Variants in DPF3 observed in about 807,000 individuals in gnomAD.
The protein encoded by DPF3 is double PHD fingers 3.
Under a neutral mutation model 56.8 loss-of-function variants are expected in DPF3, and 18 were observed. The observed-to-expected ratio is 0.32, with a 90% confidence interval of 0.22 to 0.47. The LOEUF (loss-of-function observed/expected upper bound fraction) is 0.47, where lower values mean the gene tolerates loss of function less well. Ranked by LOEUF, DPF3 falls within the 20% of genes least tolerant of loss-of-function variation. The pLI is 1.00. For missense variants in DPF3, 403 were observed against 488.8 expected, an observed-to-expected ratio of 0.82 and a Z score of 1.65; for synonymous variants, 188 against 180.2, an observed-to-expected ratio of 1.04 and a Z score of -0.35.
At chr14:72,736,694 T>C (rs1889906233) in intron 3 of DPF3, among the ~76,000 whole-genome samples, 1 of 152,126 alleles carries the variant, frequency 6.6e-6, no homozygotes, top group Admixed American at 6.6e-5. Flanking sequence ...TAAACACACT[T>C]CTATTGAGCC....
chr14:72,749,301 G>C (rs1212125853), intron 3 of DPF3, among the ~76,000 whole-genome samples: 1 of 152,240 alleles, frequency 6.6e-6, no homozygotes, highest in Non-Finnish European at 1.5e-5. Context: ...CATGGGGCCT[G>C]TAGCCCCTTT....
intron 1 of DPF3, among the ~76,000 whole-genome samples, chr14:72,893,013 A>AGGCAGGCAGGCAGGC (rs1555517678): frequency 7.9e-6 from 1 of 126,850 alleles, no homozygotes; most frequent in South Asian, 2.7e-4. Flanking sequence ...GGAAGGAAGG[A>AGGCAGGCAGGCAGGC]AGGAAGGAAG....
intron 1 of DPF3, among the ~76,000 whole-genome samples, chr14:72,843,084 T>C (rs1884616788): frequency 6.6e-6 from 1 of 152,178 alleles, no homozygotes; most frequent in Non-Finnish European, 1.5e-5. Context: ...ACAAGGCTCT[T>C]GGAGCCATAT....
At chr14:72,884,971 T>TATATGTATA (rs10523148) in intron 1 of DPF3, among the ~76,000 whole-genome samples, 1 of 111,686 alleles carries the variant, frequency 9.0e-6, no homozygotes, top group Non-Finnish European at 1.9e-5. Flanking sequence ...TATATATATA[T>TATATGTATA]TAGCCGGGCG....
rs181182504 is a variant in DPF3 at position 72,838,392 on chromosome 14, G to A, written c.32+55665C>T. On this transcript the variant is annotated intron_variant, in intron 1 of 10. Coordinates refer to ENST00000556509, the MANE Select transcript of DPF3 (RefSeq NM_001280542.3). ...ACCTGTAATCTCAGCTGTTCAGAAG[G>A]CTGAGGCAGGAGAATCACTTAAACC... Among the ~76,000 whole-genome samples the A allele has an allele frequency of 4.6e-5, 7 of 152,288 alleles. No individual in the cohort carries two copies. In the East Asian group the frequency reaches 1.4e-3, roughly 29 times the overall value.
chr14:72,836,453 C>G, intron 1 of DPF3: 2 of 985,672 alleles, frequency 2.0e-6, no homozygotes, highest in South Asian at 9.4e-5. Context: ...CCTGCTCCTG[C>G]CTGCCCTGAA....
At chr14:72,646,892 T>G (rs1273864616) in intron 8 of DPF3, among the ~76,000 whole-genome samples, 2 of 152,220 alleles carry the variant, frequency 1.3e-5, no homozygotes, top group East Asian at 3.8e-4. Context: ...CTAATTCCCC[T>G]GCCCTGGAGT....
chr14:72,710,859 G>A (rs1567207919), intron 6 of DPF3, among the ~76,000 whole-genome samples: 1 of 152,180 alleles, frequency 6.6e-6, no homozygotes, highest in Non-Finnish European at 1.5e-5. Flanking sequence ...TTACTTGCTG[G>A]AAAACAAAGT....
At chr14:72,661,439 T>C (rs1444186968) in intron 8 of DPF3, 33 of 985,220 alleles carry the variant, frequency 3.3e-5, no homozygotes, top group Non-Finnish European at 3.5e-5. Context: ...AGCCTTAGAC[T>C]ATTCGTGTGT....
chr14:72,665,457 T>C (rs116409163), intron 8 of DPF3, among the ~76,000 whole-genome samples: 4,195 of 152,266 alleles, frequency 0.028, 98 homozygotes, highest in African/African-American at 0.061. Flanking sequence ...TCACCAGTAA[T>C]GGGGTAAATC....
At chr14:72,870,727 G>A (rs1318817514) in intron 1 of DPF3, among the ~76,000 whole-genome samples, 1 of 152,146 alleles carries the variant, frequency 6.6e-6, no homozygotes, top group African/African-American at 2.4e-5. Context: ...ATATTGGCTA[G>A]TGTGTCTCCT....
Position 72,700,808 on chromosome 14 carries a change from C to G in DPF3, c.605-7595G>C, listed in dbSNP as rs76427062. ...AAACAAGGTGGATCATGACAGCACACCTGCTCCCCGCGGTGAGACCCATAT... is the reference window on the plus strand; with the variant it reads ...AAACAAGGTGGATCATGACAGCACAGCTGCTCCCCGCGGTGAGACCCATAT... On this transcript the variant is annotated intron_variant, in intron 6 of 10. Transcript: ENST00000556509. Among the ~76,000 whole-genome samples the G allele has an allele frequency of 7.0e-3, 1,059 of 152,350 alleles. 14 individuals carry two copies. Among genetic ancestry groups the G allele is most frequent in the African/African-American group, 0.025 (1,021 of 41,566 alleles).
At chr14:72,826,781 G>A (rs978214086) in intron 1 of DPF3, among the ~76,000 whole-genome samples, 8 of 152,082 alleles carry the variant, frequency 5.3e-5, no homozygotes, top group South Asian at 2.1e-4. Context: ...GGTGGCTCAC[G>A]CCTGTAGTTC....
intron 3 of DPF3, among the ~76,000 whole-genome samples, chr14:72,746,843 G>T (rs1890344953): frequency 6.6e-6 from 1 of 152,228 alleles, no homozygotes; most frequent in African/African-American, 2.4e-5. Context: ...CCATGTGCAG[G>T]TGGGGACTTG....
At chr14:72,893,857 G>A (rs1455174155) in intron 1 of DPF3, among the ~76,000 whole-genome samples, 200 bp downstream of exon 1, 1 of 152,216 alleles carries the variant, frequency 6.6e-6, no homozygotes, top group Admixed American at 6.5e-5. Flanking sequence ...TTTTCTTCTT[G>A]TTAATTGCAT....
intron 8 of DPF3, among the ~76,000 whole-genome samples, chr14:72,666,630 T>C (rs1242170468): frequency 2.0e-5 from 3 of 152,176 alleles, no homozygotes; most frequent in South Asian, 2.1e-4. Context: ...CATCATGAAA[T>C]AATATAAGCT....
chr14:72,778,261 C>T (rs1891830832), intron 1 of DPF3, among the ~76,000 whole-genome samples: 1 of 152,194 alleles, frequency 6.6e-6, no homozygotes, highest in Non-Finnish European at 1.5e-5. Flanking sequence ...AGGAGGTGAG[C>T]TGTGGGGTAC....
chr14:72,877,998 C>T (rs1211846536), intron 1 of DPF3, among the ~76,000 whole-genome samples: 1 of 152,198 alleles, frequency 6.6e-6, no homozygotes. Context: ...GAGTAGGTTG[C>T]TAGTGCAATA....
intron 3 of DPF3, among the ~76,000 whole-genome samples, chr14:72,740,406 T>C (rs1890076043): frequency 6.6e-6 from 1 of 152,178 alleles, no homozygotes; most frequent in African/African-American, 2.4e-5. Flanking sequence ...TGTCGTCTCT[T>C]AATGAGTTTG....
Sources: gnomAD v4.1 joint callset for allele counts (sites outside exome capture counted in the v4.1 genomes callset) on GRCh38, gnomAD v4.1.1 for gene constraint, MANE v1.5 for transcripts, NCBI Gene and HGNC (gene_info 2026-07-23, HGNC 2026-07-21) for gene names.